The following NALCN variants were observed in gnomAD, a reference collection of about 807,000 sequenced individuals.
The protein encoded by NALCN is sodium leak channel NALCN.
In NALCN, 111 loss-of-function variants were observed where a neutral mutation model predicts 225.3. The ratio of observed to expected loss-of-function variants is 0.49; its 90% CI spans 0.42 to 0.58. NALCN has a LOEUF of 0.58. Ranked by LOEUF, NALCN falls within the 20% of genes least tolerant of loss-of-function variation. NALCN has a pLI of 0.00. For synonymous variants in NALCN, 764 were observed against 769.0 expected, an observed-to-expected ratio of 0.99 and a Z score of 0.11; for missense variants, 1,378 against 2,202.4, an observed-to-expected ratio of 0.63 and a Z score of 7.49.
intron 7 of NALCN, among the ~76,000 whole-genome samples, chr13:101,319,500 T>C (rs1029992783): frequency 6.6e-6 from 1 of 152,202 alleles, no homozygotes; most frequent in Non-Finnish European, 1.5e-5. Context: ...GATTTTATCA[T>C]AGTCAAAATA....
chr13:101,291,697 G>T (rs1009502441), intron 9 of NALCN, among the ~76,000 whole-genome samples: 7 of 152,074 alleles, frequency 4.6e-5, no homozygotes, highest in African/African-American at 1.7e-4. Flanking sequence ...ACAAGCTCAT[G>T]CCACTACTCT....
rs140607843 is a variant in NALCN, at chr13:101,261,039, G to T, written c.1135-2465C>A. Among the ~76,000 whole-genome samples the T allele has an allele frequency of 7.5e-3, 1,141 of 152,238 alleles. 10 individuals are homozygous for T. The highest frequency in any genetic ancestry group is 0.028 in the South Asian group (133 of 4,826). On this transcript the variant is annotated intron_variant, in intron 10 of 43. Coordinates refer to ENST00000251127, the MANE Select transcript of NALCN (RefSeq NM_052867.4). ...CTTTAAGTCTTTAATCCATTTTGAT[G>T]TGATTTTTGTACCTTACAGAGATAG...
intron 7 of NALCN, among the ~76,000 whole-genome samples, chr13:101,294,193 T>C (rs559026190): frequency 2.6e-5 from 4 of 152,310 alleles, no homozygotes; most frequent in Non-Finnish European, 5.9e-5. Context: ...GACTGGGGCT[T>C]TAAAAAGAAA....
chr13:101,253,851 A>G (rs566112194), intron 11 of NALCN, among the ~76,000 whole-genome samples: 1 of 149,212 alleles, frequency 6.7e-6, no homozygotes, highest in Non-Finnish European at 1.5e-5. Flanking sequence ...AATGTTTACT[A>G]TCTGGGTCTG....
At chr13:101,172,211 C>T (rs1254470602) in intron 15 of NALCN, among the ~76,000 whole-genome samples, 2 of 152,206 alleles carry the variant, frequency 1.3e-5, no homozygotes, top group East Asian at 3.9e-4. Context: ...CACGGGCCCA[C>T]CGACAATCCA....
intron 1 of NALCN, among the ~76,000 whole-genome samples, chr13:101,404,873 T>C (rs547824302): frequency 3.1e-4 from 47 of 152,222 alleles, no homozygotes; most frequent in Non-Finnish European, 5.9e-4. Flanking sequence ...CACATGCTTA[T>C]ACGTGCAAGG....
chr13:101,247,307 A>C (rs7139596), intron 11 of NALCN, among the ~76,000 whole-genome samples: 81,445 of 151,966 alleles, frequency 0.54, 22,231 homozygotes, highest in East Asian at 0.58. Context: ...ATTTTATGGA[A>C]TATAGACTAG....
At chr13:101,410,983 C>T (rs2047764416) in intron 1 of NALCN, among the ~76,000 whole-genome samples, 1 of 152,136 alleles carries the variant, frequency 6.6e-6, no homozygotes, top group Non-Finnish European at 1.5e-5. Context: ...TCCAGTTCTT[C>T]AATCTTGGAA....
intron 15 of NALCN, among the ~76,000 whole-genome samples, chr13:101,152,222 G>T (rs1251953245): frequency 6.6e-6 from 1 of 152,186 alleles, no homozygotes; most frequent in African/African-American, 2.4e-5. Flanking sequence ...CATCCAAAAT[G>T]TTCATAACAT....
At chr13:101,255,619 G>T (rs1348880082) in intron 11 of NALCN, among the ~76,000 whole-genome samples, 1 of 152,124 alleles carries the variant, frequency 6.6e-6, no homozygotes, top group Non-Finnish European at 1.5e-5. Flanking sequence ...ACCTACTGAT[G>T]CTATTACTCT....
intron 7 of NALCN, among the ~76,000 whole-genome samples, chr13:101,334,489 T>C (rs1201101818): frequency 1.3e-5 from 1 of 77,896 alleles, no homozygotes; most frequent in Non-Finnish European, 2.5e-5. Context: ...GAGAATGGAC[T>C]GCCAGTGTTC....
At chr13:101,254,370 C>CAAAAAAA (rs66465051) in intron 11 of NALCN, among the ~76,000 whole-genome samples, 71 of 68,004 alleles carry the variant, frequency 1.0e-3, no homozygotes, top group East Asian at 4.2e-3. Context: ...GGGACTGTCT[C>CAAAAAAA]AAAAAAAAAA....
intron 13 of NALCN, among the ~76,000 whole-genome samples, chr13:101,221,277 C>A (rs1024860550): frequency 2.6e-5 from 4 of 152,108 alleles, no homozygotes; most frequent in Admixed American, 1.3e-4. Flanking sequence ...CGCCACCACA[C>A]CCAGCTAATT....
At chr13:101,131,795 T>C (rs1341825036) in intron 17 of NALCN, among the ~76,000 whole-genome samples, 1 of 152,136 alleles carries the variant, frequency 6.6e-6, no homozygotes, top group Non-Finnish European at 1.5e-5. Context: ...GGATTTGGGG[T>C]TTTGATATCT....
intron 17 of NALCN, among the ~76,000 whole-genome samples, chr13:101,125,376 A>T (rs747429790): frequency 6.6e-6 from 1 of 152,214 alleles, no homozygotes; most frequent in East Asian, 1.9e-4. Flanking sequence ...AACTAGATTC[A>T]CAATAATAAA....
intron 3 of NALCN, among the ~76,000 whole-genome samples, chr13:101,384,358 A>G (rs994652141): frequency 1.3e-5 from 2 of 152,150 alleles, no homozygotes; most frequent in Non-Finnish European, 2.9e-5. Context: ...AGAGCTGTAT[A>G]TGTCAATTTT....
chr13:101,119,778 T>A (rs1397391824), intron 18 of NALCN, among the ~76,000 whole-genome samples: 4 of 152,244 alleles, frequency 2.6e-5, no homozygotes, highest in African/African-American at 9.6e-5. Context: ...ATAAATTTAA[T>A]AGCAATCCTG....
chr13:101,142,129 A>G (rs1379665426), intron 17 of NALCN, among the ~76,000 whole-genome samples: 3 of 142,530 alleles, frequency 2.1e-5, no homozygotes, highest in African/African-American at 7.9e-5. Context: ...TAGATAATAC[A>G]TTCTATGTCT....
chr13:101,280,930 C>T (rs2043149094), intron 10 of NALCN, among the ~76,000 whole-genome samples: 2 of 144,436 alleles, frequency 1.4e-5, no homozygotes, highest in East Asian at 4.1e-4. Flanking sequence ...GCCCAGGCTA[C>T]ATTGCAGTGG....
Sources: allele counts gnomAD v4.1 joint callset (sites outside exome capture counted in the v4.1 genomes callset), GRCh38; gene constraint gnomAD v4.1.1; transcripts MANE v1.5; gene names NCBI Gene and HGNC (gene_info 2026-07-23, HGNC 2026-07-21).